TCF20: variants seen among roughly 807,000 people sequenced by gnomAD.
TCF20 encodes the protein SPRE-binding protein.
In TCF20, 3 loss-of-function variants were observed where a neutral mutation model predicts 148.6. The ratio of observed to expected loss-of-function variants is 0.02; its 90% CI spans 0.01 to 0.05. TCF20 has a LOEUF of 0.05. Ranked by LOEUF, TCF20 falls within the 10% of genes least tolerant of loss-of-function variation. The pLI is 1.00. For synonymous variants in TCF20, 1,049 were observed against 909.5 expected (o/e 1.15, Z -2.76); for missense variants, 2,350 against 2,429.3 (o/e 0.97, Z 0.69).
intron 2 of TCF20, among the ~76,000 whole-genome samples, chr22:42,197,690 A>G (rs923815819): frequency 3.3e-5 from 5 of 152,224 alleles, no homozygotes; most frequent in Non-Finnish European, 5.9e-5. Flanking sequence ...AAGGAGTTCC[A>G]TACATCTCAA....
At chr22:42,315,454 A>C (rs770149154) in intron 1 of TCF20, among the ~76,000 whole-genome samples, 5 of 152,336 alleles carry the variant, frequency 3.3e-5, no homozygotes, top group South Asian at 4.1e-4. Flanking sequence ...AAAGGAGGGC[A>C]GCCCAGGCAG....
chr22:42,323,700 C>A (rs1927776696), intron 1 of TCF20, among the ~76,000 whole-genome samples: 1 of 151,924 alleles, frequency 6.6e-6, no homozygotes, highest in Non-Finnish European at 1.5e-5. Context: ...GCACCCACAC[C>A]TTCTTCCCAG....
intron 1 of TCF20, among the ~76,000 whole-genome samples, chr22:42,227,072 C>T (rs529438641): frequency 6.6e-6 from 1 of 152,282 alleles, no homozygotes; most frequent in African/African-American, 2.4e-5. Context: ...CACACGAGGC[C>T]AGGAGTTCAA....
intron 1 of TCF20, among the ~76,000 whole-genome samples, chr22:42,311,580 A>G (rs1927537494): frequency 1.3e-5 from 2 of 152,194 alleles, no homozygotes; most frequent in African/African-American, 4.8e-5. Flanking sequence ...TGTTGTGGAC[A>G]GGAGCAAGGT....
intron 1 of TCF20, among the ~76,000 whole-genome samples, chr22:42,236,843 C>T (rs1419289054): frequency 6.6e-6 from 1 of 152,166 alleles, no homozygotes; most frequent in African/African-American, 2.4e-5. Context: ...CTTCAGTCTA[C>T]TAAGTGTGAA....
chr22:42,258,303 A>G (rs912376761), intron 1 of TCF20, among the ~76,000 whole-genome samples: 1 of 140,828 alleles, frequency 7.1e-6, no homozygotes, highest in African/African-American at 3.2e-5. Context: ...TCAGTGCGCA[A>G]AGAGTACTCC....
chr22:42,275,228 T>A (rs1440364081), upstream of TCF20: 1 of 152,044 alleles, frequency 6.6e-6, no homozygotes, highest in Non-Finnish European at 1.5e-5. Context: ...CCTCCAGCAG[T>A]CATATATTAA....
chr22:42,200,090 T>C (rs1456472377), intron 2 of TCF20, among the ~76,000 whole-genome samples: 2 of 152,244 alleles, frequency 1.3e-5, no homozygotes, highest in Non-Finnish European at 2.9e-5. Flanking sequence ...CAAGCAGTTA[T>C]TTAAAATGCT....
chr22:42,330,104 C>T (rs1283178483), intron 1 of TCF20, among the ~76,000 whole-genome samples: 2 of 152,206 alleles, frequency 1.3e-5, no homozygotes, highest in Non-Finnish European at 2.9e-5. Flanking sequence ...CTGCAGATTC[C>T]ACTCCAAGCT....
chr22:42,277,319 G>T (rs1926801748), intron 1 of TCF20, among the ~76,000 whole-genome samples: 1 of 152,222 alleles, frequency 6.6e-6, no homozygotes. Flanking sequence ...TGGTCATGAA[G>T]TTTATGGTGC....
At chr22:42,215,447 G>A (rs1333480642) in intron 1 of TCF20, 106 bp from the exon 2 acceptor site, 1 of 1,379,028 alleles carries the variant, frequency 7.3e-7, no homozygotes, top group Non-Finnish European at 9.6e-7. Context: ...CCCAGATGAA[G>A]CTGACTGGTT....
chr22:42,332,338 T>C (rs1045891270), intron 1 of TCF20, among the ~76,000 whole-genome samples: 2 of 151,994 alleles, frequency 1.3e-5, no homozygotes, highest in African/African-American at 4.8e-5. Flanking sequence ...GGTCCCTCTA[T>C]GTGGCTGGAG....
intron 1 of TCF20, among the ~76,000 whole-genome samples, chr22:42,303,072 G>A (rs1332392701): frequency 6.6e-6 from 1 of 152,180 alleles, no homozygotes; most frequent in Non-Finnish European, 1.5e-5. Context: ...TGGGATTACG[G>A]GTGCCCAACA....
intron 1 of TCF20, among the ~76,000 whole-genome samples, chr22:42,302,559 T>C (rs1176488955): frequency 1.3e-5 from 2 of 152,110 alleles, no homozygotes; most frequent in African/African-American, 2.4e-5. Context: ...CACCAGCCAG[T>C]GGAAGGCAAA....
intron 3 of TCF20, among the ~76,000 whole-genome samples, chr22:42,175,010 G>T (rs1569105526): frequency 6.6e-6 from 1 of 151,708 alleles, no homozygotes. Context: ...ACTCCAGTCG[G>T]GGCAACACAG....
chr22:42,252,020 G>A (rs1417450965), intron 1 of TCF20, among the ~76,000 whole-genome samples: 1 of 150,676 alleles, frequency 6.6e-6, no homozygotes, highest in Non-Finnish European at 1.5e-5. Context: ...CCTGGCCAAC[G>A]TGGCAAAACC....
chr22:42,203,078 T>C lies in TCF20; in HGVS notation c.5655+6573A>G, dbSNP rs555233356. On this transcript the variant is annotated intron_variant, in intron 2 of 5. Coordinates refer to ENST00000677622, the MANE Select transcript of TCF20 (RefSeq NM_001378418.1). ...ATCCCAGGGATGAGTAATTAACATA[T>C]AATAACTTGTGTGTTGTGGCTTGTT... 1.1e-4 allele frequency among the ~76,000 whole-genome samples: 17 copies of C among 152,342 alleles called. No individual in the cohort carries two copies. The South Asian group carries it at 3.3e-3, about 30-fold the overall frequency.
At chr22:42,325,242 T>G (rs1437268371) in intron 1 of TCF20, among the ~76,000 whole-genome samples, 1 of 152,208 alleles carries the variant, frequency 6.6e-6, no homozygotes, top group African/African-American at 2.4e-5. Flanking sequence ...CTCCCCTGGA[T>G]GTTCTGGGCG....
chr22:42,226,589 C>G (rs1222744141), intron 1 of TCF20, among the ~76,000 whole-genome samples: 2 of 152,110 alleles, frequency 1.3e-5, no homozygotes, highest in African/African-American at 4.8e-5. Context: ...CCTATAATCC[C>G]AGCTACTCAG....
Sources: allele counts gnomAD v4.1 joint callset (sites outside exome capture counted in the v4.1 genomes callset), GRCh38; gene constraint gnomAD v4.1.1; transcripts MANE v1.5; gene names NCBI Gene and HGNC (gene_info 2026-07-23, HGNC 2026-07-21).